AS3MT: variants seen among roughly 807,000 people sequenced by gnomAD.
AS3MT encodes the protein arsenite methyltransferase.
Under a neutral mutation model 45.3 loss-of-function variants are expected in AS3MT, and 47 were observed. That is an observed-to-expected ratio of 1.04 (90% CI 0.82 to 1.32). The LOEUF is 1.32. Among genes scored for constraint, AS3MT ranks in the 40% most tolerant of loss-of-function variants. The pLI is 0.00. For missense variants in AS3MT, 396 were observed against 451.1 expected, an observed-to-expected ratio of 0.88 and a Z score of 1.11; for synonymous variants, 141 against 152.8, an observed-to-expected ratio of 0.92 and a Z score of 0.57.
chr10:102,886,871 C>T (rs554203501), intron 9 of AS3MT, among the ~76,000 whole-genome samples: 17 of 152,282 alleles, frequency 1.1e-4, no homozygotes, highest in African/African-American at 3.9e-4. Flanking sequence ...CCTGCCTTGG[C>T]CTCCCAAAGT....
intron 5 of AS3MT, 80 bp downstream of exon 5, chr10:102,873,313 C>T: frequency 8.7e-7 from 1 of 1,153,622 alleles, no homozygotes; most frequent in East Asian, 3.2e-5. Flanking sequence ...TGGACTCTCG[C>T]TCTGTCACCC....
At chr10:102,882,141 G>A (rs748927884) in intron 9 of AS3MT, among the ~76,000 whole-genome samples, 77 of 151,964 alleles carry the variant, frequency 5.1e-4, no homozygotes, top group Non-Finnish European at 9.6e-4. Flanking sequence ...GGATTTCACC[G>A]TGTTAGCCAG....
Position 102,873,312 on chromosome 10 carries a change from G to A in AS3MT, c.458+79G>A, listed in dbSNP as rs149105372. On this transcript the variant is annotated intron_variant, in intron 5 of 10. Coordinates refer to ENST00000369880, the MANE Select transcript of AS3MT (RefSeq NM_020682.4). The stretch of plus-strand genomic sequence containing the variant: ...ATTATTATTATTGAGATGGACTCTC[G>A]CTCTGTCACCCAGGCCAGAGTGCAG... The A allele has an allele frequency of 5.4e-4, 627 of 1,161,432 alleles. 12 individuals carry two copies. The East Asian group carries it at 0.019, about 35-fold the overall frequency. 71.9% of individuals were successfully genotyped at this position (1,161,432 alleles called of 1,614,324 possible). A position where few individuals can be genotyped will look rare whatever the true frequency, so the allele number is the denominator to read the frequency against.
Position 102,890,627 on chromosome 10 carries a change from A to G in AS3MT, c.969A>G (p.Pro323=), listed in dbSNP as rs1303993313. 1 of 1,613,640 alleles carries G rather than the reference A, an allele frequency of 6.2e-7. No individual in the cohort carries two copies. Among genetic ancestry groups the G allele is most frequent in the South Asian group, 1.1e-5 (1 of 90,978 alleles). The change falls in exon 10 of 11, where the codon CCA becomes CCG. Residue 323 remains proline (P), a synonymous_variant. Transcript: ENST00000369880. ...SRFAQDFLIR[P]IGEKLPTSGG... is the part of the protein sequence containing the mutation. ...TTGCTCAAGATTTTCTGATCAGACC[A>G]ATTGGAGAGAAGTTGCCAACATCTG...
At chr10:102,892,541 C>T (rs977349138) in intron 10 of AS3MT, among the ~76,000 whole-genome samples, 2 of 152,030 alleles carry the variant, frequency 1.3e-5, no homozygotes, top group African/African-American at 4.8e-5. Context: ...TCATCCATCC[C>T]AATCATAAAG....
chr10:102,874,398 T>A (rs911663651), intron 5 of AS3MT, among the ~76,000 whole-genome samples, 194 bp from the exon 6 acceptor site: 2 of 152,174 alleles, frequency 1.3e-5, no homozygotes, highest in African/African-American at 4.8e-5. Flanking sequence ...TGCTAACAAT[T>A]TATTGAGATT....
At chr10:102,870,249 C>G in intron 3 of AS3MT, 38 bp downstream of exon 3, 2 of 1,611,050 alleles carry the variant, frequency 1.2e-6, no homozygotes, top group Non-Finnish European at 1.7e-6. Context: ...AGACCCCAAA[C>G]AGCAGTTTTC....
At chr10:102,890,016 G>A (rs1390888013) in intron 9 of AS3MT, among the ~76,000 whole-genome samples, 3 of 134,430 alleles carry the variant, frequency 2.2e-5, no homozygotes, top group Admixed American at 7.9e-5. Flanking sequence ...TTTTTGAGAC[G>A]GAGTCTCGCT....
intron 10 of AS3MT, among the ~76,000 whole-genome samples, chr10:102,895,737 A>G (rs1371209946): frequency 6.6e-6 from 1 of 151,700 alleles, no homozygotes; most frequent in African/African-American, 2.4e-5. Flanking sequence ...TCCATCTCAA[A>G]AAAACAAAAA....
chr10:102,880,389 A>T (rs1269162496), intron 9 of AS3MT, among the ~76,000 whole-genome samples: 2 of 152,208 alleles, frequency 1.3e-5, no homozygotes, highest in Admixed American at 1.3e-4. Context: ...TAAGTCCAAC[A>T]CCAGTGAAAG....
intron 9 of AS3MT, among the ~76,000 whole-genome samples, chr10:102,885,983 T>C (rs1401180177): frequency 6.6e-6 from 1 of 152,158 alleles, no homozygotes; most frequent in African/African-American, 2.4e-5. Context: ...TCCTTCTTTT[T>C]CAAGTCTGAA....
At position 102,900,877 on chromosome 10, in the gene AS3MT, AGTTT is replaced by A; in HGVS notation, c.*179_*182del. On this transcript the variant is annotated 3_prime_UTR_variant, in exon 11 of 11. Transcript: ENST00000369880. ...GGCAGGCAGATCACCTGAGGTCAGGAGTTTGATACCAGCCTGGCCAACATGGTGA... is the reference window on the plus strand; with the variant it reads ...GGCAGGCAGATCACCTGAGGTCAGGAGATACCAGCCTGGCCAACATGGTGA... 7 of 499,634 alleles carry A rather than the reference AGTTT, an allele frequency of 1.4e-5. No individual in the cohort carries two copies. The highest frequency in any genetic ancestry group is 7.1e-5 in the South Asian group (3 of 42,382). 31.0% of individuals were successfully genotyped at this position (499,634 alleles called of 1,614,324 possible).
Position 102,875,910 on chromosome 10 carries a change from C to T in AS3MT, c.529-1044C>T, listed in dbSNP as rs535117839. Among the ~76,000 whole-genome samples, 8 of 152,190 alleles carry T rather than the reference C, an allele frequency of 5.3e-5. No homozygotes were observed. In the East Asian group the frequency reaches 1.5e-3, roughly 29 times the overall value. ...GGGATTACAGGCATGAGCCGCTGTG[C>T]CTGGCCAAAATTTTTTTTTAAATTG... On this transcript the variant is annotated intron_variant, in intron 6 of 10. Transcript: ENST00000369880.
In AS3MT at chr10:102,901,797, T is replaced by G. The variant is rs1845274030; in HGVS notation, c.*1097T>G. 1 of 152,226 alleles carries G rather than the reference T, an allele frequency of 6.6e-6. No homozygotes were observed. Among genetic ancestry groups the G allele is most frequent in the African/African-American group, 2.4e-5 (1 of 41,466 alleles). The allele number at this position is 152,226 out of a possible 1,614,324, so 9.4% of individuals were successfully genotyped here. A position where few individuals can be genotyped will look rare whatever the true frequency, so the allele number is the denominator to read the frequency against. On this transcript the variant is annotated 3_prime_UTR_variant, in exon 11 of 11. Transcript: ENST00000369880. ...CATCATACTAATCATGCAAAAAGAT[T>G]GCCAAATCATGTTTGGTAGGAGGAC...
rs1845257096 is a variant in AS3MT at position 102,900,770 on chromosome 10, C to A, written c.*70C>A. 3 of 1,216,570 alleles carry A rather than the reference C, an allele frequency of 2.5e-6. No individual in the cohort carries two copies. Among genetic ancestry groups the A allele is most frequent in the Non-Finnish European group, 3.6e-6 (3 of 823,918 alleles). 75.4% of individuals were successfully genotyped at this position (1,216,570 alleles called of 1,614,324 possible). A position where few individuals can be genotyped will look rare whatever the true frequency, so the allele number is the denominator to read the frequency against. On this transcript the variant is annotated 3_prime_UTR_variant, in exon 11 of 11. Coordinates refer to ENST00000369880, the MANE Select transcript of AS3MT (RefSeq NM_020682.4). ...TGCATGTTTTTTAACCTGCTTTTCC[C>A]CATAGCACAGACCATAAGAAACAAC...
chr10:102,894,222 G>C (rs994056479), intron 10 of AS3MT, among the ~76,000 whole-genome samples: 1 of 151,822 alleles, frequency 6.6e-6, no homozygotes, highest in Non-Finnish European at 1.5e-5. Flanking sequence ...TCAGGAGTTC[G>C]AGACCAGCCT....
At chr10:102,897,276 C>T (rs372888654) in intron 10 of AS3MT, among the ~76,000 whole-genome samples, 4 of 150,658 alleles carry the variant, frequency 2.7e-5, no homozygotes, top group Non-Finnish European at 5.9e-5. Context: ...CCCAGCTACT[C>T]GGGAGGCTGA....
In AS3MT at chr10:102,881,131, C is replaced by T. The variant is rs1299431445; in HGVS notation, c.885+2140C>T. Among the ~76,000 whole-genome samples the T allele has an allele frequency of 6.6e-6, 1 of 152,184 alleles. No individual in the cohort carries two copies. Among genetic ancestry groups the T allele is most frequent in the Non-Finnish European group, 1.5e-5 (1 of 68,036 alleles). On this transcript the variant is annotated intron_variant, in intron 9 of 10. Transcript: ENST00000369880. The surrounding 1 kb of genome is among the most constrained non-coding windows in gnomAD (Gnocchi z 4.2). ...TCTCATTCTGGGCAGTCATTCGTTTCATCCTATGAATGCCATGGTGAGGGA... is the reference window on the plus strand; with the variant it reads ...TCTCATTCTGGGCAGTCATTCGTTTTATCCTATGAATGCCATGGTGAGGGA...
At chr10:102,873,071 T>C in intron 4 of AS3MT, 26 bp from the exon 5 acceptor site, 2 of 1,537,808 alleles carry the variant, frequency 1.3e-6, no homozygotes, top group Non-Finnish European at 1.7e-6. Flanking sequence ...CAAAATGTTA[T>C]CAAAACTATA....
Sources: gnomAD v4.1 joint callset for allele counts (sites outside exome capture counted in the v4.1 genomes callset) on GRCh38, gnomAD v4.1.1 for gene constraint, Gnocchi (gnomAD v3.1) non-coding constraint, MANE v1.5 for transcripts, NCBI Gene and HGNC (gene_info 2026-07-23, HGNC 2026-07-21) for gene names.